Variants in FLT3 observed in about 807,000 individuals in gnomAD.
FLT3 encodes receptor-type tyrosine-protein kinase FLT3.
A neutral mutation model predicts 126.6 loss-of-function variants in FLT3; 46 were observed. The ratio of observed to expected loss-of-function variants is 0.36; its 90% CI spans 0.29 to 0.46. FLT3 has a LOEUF of 0.46. Among genes scored for constraint, FLT3 ranks in the 20% least tolerant of loss-of-function variants. The pLI is 1.00. For synonymous variants in FLT3, 404 were observed against 434.4 expected, an observed-to-expected ratio of 0.93 and a Z score of 0.87; for missense variants, 1,069 against 1,190.3, an observed-to-expected ratio of 0.90 and a Z score of 1.50.
intron 1 of FLT3, among the ~76,000 whole-genome samples, chr13:28,090,768 A>G (rs1246427783): frequency 6.6e-6 from 1 of 152,142 alleles, no homozygotes; most frequent in East Asian, 1.9e-4. Context: ...ACAGAGTGAG[A>G]CCTGTCCGCC....
At chr13:28,050,249 G>C in intron 5 of FLT3, 27 bp from the exon 6 acceptor site, 1 of 1,611,162 alleles carries the variant, frequency 6.2e-7, no homozygotes. Context: ...AGTACCATTT[G>C]GCTAAACAAG....
intron 1 of FLT3, among the ~76,000 whole-genome samples, chr13:28,099,110 GGA>G (rs3057860): frequency 0.16 from 24,390 of 152,118 alleles, 2,035 homozygotes; most frequent in Middle Eastern, 0.25. Context: ...AGAAATATCT[GGA>G]GAGAGAGACA....
intron 9 of FLT3, among the ~76,000 whole-genome samples, chr13:28,041,953 G>T (rs1333173208): frequency 6.6e-6 from 1 of 152,062 alleles, no homozygotes; most frequent in Non-Finnish European, 1.5e-5. Context: ...AGGAGTTCGA[G>T]ATCAGCCTGG....
At chr13:28,035,696 A>G in intron 11 of FLT3, 23 bp from the exon 12 acceptor site, 1 of 1,594,102 alleles carries the variant, frequency 6.3e-7, no homozygotes, top group Non-Finnish European at 8.5e-7. Context: ...ATAGCAAAGA[A>G]TTTAGACAGG....
intron 2 of FLT3, among the ~76,000 whole-genome samples, chr13:28,067,357 C>T (rs139773139): frequency 6.6e-6 from 1 of 152,278 alleles, no homozygotes; most frequent in Non-Finnish European, 1.5e-5. Flanking sequence ...AAGCTGGGTA[C>T]AATCCACAAT....
At chr13:28,031,046 G>C (rs1157637259) in intron 15 of FLT3, among the ~76,000 whole-genome samples, 1 of 152,122 alleles carries the variant, frequency 6.6e-6, no homozygotes, top group African/African-American at 2.4e-5. Context: ...CTAACACGGT[G>C]AAACTCTGTC....
chr13:28,016,689 A>G (rs1312120101), intron 20 of FLT3, among the ~76,000 whole-genome samples: 1 of 152,226 alleles, frequency 6.6e-6, no homozygotes, highest in Non-Finnish European at 1.5e-5. Flanking sequence ...CTATTGATTC[A>G]TGCAGGCAAG....
chr13:28,040,588 G>A (rs927019163), intron 9 of FLT3, among the ~76,000 whole-genome samples: 25 of 152,110 alleles, frequency 1.6e-4, no homozygotes, highest in Admixed American at 1.3e-3. Context: ...TTGAGCCCAC[G>A]TTTGTGTGAC....
At chr13:28,004,210 T>C (rs749089462) in intron 23 of FLT3, 36 bp from the exon 24 acceptor site, 1 of 1,609,870 alleles carries the variant, frequency 6.2e-7, no homozygotes, top group East Asian at 2.2e-5. Flanking sequence ...CTGATTACCA[T>C]CTGATGTAGA....
In FLT3 at chr13:28,057,192, C is replaced by T. The variant is rs112163489; in HGVS notation, c.484+155G>A. 5.1e-4 allele frequency among the ~76,000 whole-genome samples: 77 copies of T among 152,302 alleles called. No individual in the cohort carries two copies. The East Asian group carries it at 0.01, about 20-fold the overall frequency. ...AGTGATTCTCAGTTCTCTATAGGTT[C>T]TACAGAGGGTTGACAGGAATCTAAT... On this transcript the variant is annotated intron_variant, in intron 4 of 23. Transcript: ENST00000241453.
chr13:28,008,414 T>C (rs1430125188), intron 23 of FLT3, among the ~76,000 whole-genome samples: 1 of 152,040 alleles, frequency 6.6e-6, no homozygotes, highest in Non-Finnish European at 1.5e-5. Flanking sequence ...TTTTTGCTCC[T>C]TCTCCCTCTT....
chr13:28,029,946 G>A (rs548221926), intron 15 of FLT3, among the ~76,000 whole-genome samples: 23 of 152,332 alleles, frequency 1.5e-4, no homozygotes, highest in Middle Eastern at 3.4e-3. Context: ...CTCATGTGCA[G>A]TTGGTCAGGG....
chr13:28,015,541 G>T, intron 21 of FLT3, 49 bp downstream of exon 21: 1 of 1,052,304 alleles, frequency 9.5e-7, no homozygotes, highest in Non-Finnish European at 1.5e-6. Flanking sequence ...CGAGAGAGCA[G>T]AGGATGCAAA....
rs187393738 is a variant in FLT3 at position 28,057,200 on chromosome 13, G to T, written c.484+147C>A. 8.7e-5 allele frequency: 54 copies of T among 620,314 alleles called. No individual in the cohort carries two copies. The Middle Eastern group carries it at 1.7e-3, about 19-fold the overall frequency. 38.4% of individuals were successfully genotyped at this position (620,314 alleles called of 1,614,324 possible). ...TCAGTTCTCTATAGGTTCTACAGAGGGTTGACAGGAATCTAATCAATCCAA... is the reference window on the plus strand; with the variant it reads ...TCAGTTCTCTATAGGTTCTACAGAGTGTTGACAGGAATCTAATCAATCCAA... On this transcript the variant is annotated intron_variant, in intron 4 of 23. Coordinates refer to ENST00000241453, the MANE Select transcript of FLT3 (RefSeq NM_004119.3).
At chr13:28,070,712 G>A in intron 1 of FLT3, 100 bp from the exon 2 acceptor site, 2 of 883,534 alleles carry the variant, frequency 2.3e-6, no homozygotes, top group Non-Finnish European at 3.4e-6. Flanking sequence ...AGTGTAATCA[G>A]AGGAAATTGG....
chr13:28,035,911 A>C, intron 11 of FLT3, 24 bp downstream of exon 11: 3 of 1,525,208 alleles, frequency 2.0e-6, no homozygotes, highest in Non-Finnish European at 2.7e-6. Context: ...CTTCCATTAT[A>C]AGAGGCATCA....
At chr13:28,071,416 A>C (rs1566097375) in intron 1 of FLT3, among the ~76,000 whole-genome samples, 1 of 152,070 alleles carries the variant, frequency 6.6e-6, no homozygotes, top group Non-Finnish European at 1.5e-5. Flanking sequence ...ATTTTCATCC[A>C]TTGTGCTGGG....
At chr13:28,045,894 T>G (rs1287107947) in intron 9 of FLT3, among the ~76,000 whole-genome samples, 1 of 134,520 alleles carries the variant, frequency 7.4e-6, no homozygotes, top group Non-Finnish European at 1.6e-5. Flanking sequence ...AATAACAGCT[T>G]ACGATGACTG....
chr13:28,058,165 C>G (rs1410621221), intron 3 of FLT3, among the ~76,000 whole-genome samples: 1 of 145,178 alleles, frequency 6.9e-6, no homozygotes, highest in African/African-American at 2.5e-5. Flanking sequence ...TCAAGACCAG[C>G]CTGGGCCACA....
Sources: gnomAD v4.1 joint callset for allele counts (sites outside exome capture counted in the v4.1 genomes callset) on GRCh38, gnomAD v4.1.1 for gene constraint, MANE v1.5 for transcripts, NCBI Gene and HGNC (gene_info 2026-07-23, HGNC 2026-07-21) for gene names.